Variants in ADCY2 observed in about 807,000 individuals in gnomAD.
The protein encoded by ADCY2 is adenylate cyclase type 2.
A neutral mutation model predicts 125.2 loss-of-function variants in ADCY2; 31 were observed. That is an observed-to-expected ratio of 0.25 (90% CI 0.19 to 0.33). The LOEUF (loss-of-function observed/expected upper bound fraction) is 0.33. ADCY2 is among the 10% of genes least tolerant of loss of function. The pLI, the probability that ADCY2 is intolerant of heterozygous loss-of-function variation, is 1.00. For synonymous variants in ADCY2, 512 were observed against 548.4 expected (o/e 0.93, Z 0.93); for missense variants, 904 against 1,418.2 (o/e 0.64, Z 5.82).
chr5:7,635,278 G>C (rs1344805718), intron 4 of ADCY2, among the ~76,000 whole-genome samples: 1 of 152,172 alleles, frequency 6.6e-6, no homozygotes, highest in African/African-American at 2.4e-5. Context: ...GAAGGGATGA[G>C]TGTTAGTAGG....
chr5:7,656,391 A>G (rs1320968906), intron 4 of ADCY2, among the ~76,000 whole-genome samples: 2 of 152,208 alleles, frequency 1.3e-5, no homozygotes, highest in South Asian at 2.1e-4. Context: ...GATGACTTGC[A>G]TTGATCCTAT....
intron 4 of ADCY2, among the ~76,000 whole-genome samples, chr5:7,658,399 TTGTGTGTGTGTGTGTGTG>T (rs369870574): frequency 7.6e-6 from 1 of 130,944 alleles, no homozygotes; most frequent in Admixed American, 7.6e-5. Context: ...GTGAAGAGAA[TTGTGTGTGTGTGTGTGTG>T]TGTGTGTGTG....
chr5:7,619,866 C>T (rs1425825007), intron 3 of ADCY2, among the ~76,000 whole-genome samples: 4 of 152,140 alleles, frequency 2.6e-5, no homozygotes, highest in African/African-American at 9.7e-5. Flanking sequence ...AATCTTCTCC[C>T]CATCGATTTC....
At chr5:7,712,510 C>A (rs1379355810) in intron 10 of ADCY2, among the ~76,000 whole-genome samples, 2 of 152,208 alleles carry the variant, frequency 1.3e-5, no homozygotes, top group East Asian at 3.8e-4. Flanking sequence ...TCCATTTTCA[C>A]ATGGTCATAG....
chr5:7,414,658 A>C lies in ADCY2; in HGVS notation c.296A>C (p.Glu99Ala), dbSNP rs200977486. The part of the protein sequence containing the change: ...FFAIFILVCI[E>A]SVFKKLLRLF... ...GCGATATTTATCCTGGTCTGCATCG[A>C]GTCTGTGTTTAAGAAGCTGCTGCGC... The change falls in exon 2 of 25, where the codon GAG becomes GCG. Residue 99 changes from glutamate to alanine, a missense_variant. Transcript: ENST00000338316. The C allele has an allele frequency of 6.2e-7, 1 of 1,613,500 alleles. No individual in the cohort carries two copies. The highest frequency in any genetic ancestry group is 1.3e-5 in the African/African-American group (1 of 74,936).
At chr5:7,549,742 C>G (rs1421730882) in intron 3 of ADCY2, among the ~76,000 whole-genome samples, 1 of 152,126 alleles carries the variant, frequency 6.6e-6, no homozygotes, top group Non-Finnish European at 1.5e-5. Flanking sequence ...TTCAAAAATT[C>G]TCATTGTGCA....
At chr5:7,638,938 A>G (rs1325205889) in intron 4 of ADCY2, among the ~76,000 whole-genome samples, 2 of 152,120 alleles carry the variant, frequency 1.3e-5, no homozygotes, top group African/African-American at 4.8e-5. Context: ...CATGATAGTG[A>G]ATAAGTCTTA....
intron 3 of ADCY2, among the ~76,000 whole-genome samples, chr5:7,597,511 A>C (rs1579614087): frequency 3.3e-5 from 5 of 152,252 alleles, no homozygotes; most frequent in Admixed American, 3.3e-4. Flanking sequence ...GCAGTGGCTC[A>C]CGCCTGTAAT....
intron 1 of ADCY2, among the ~76,000 whole-genome samples, chr5:7,399,828 G>A (rs1304969981): frequency 1.3e-5 from 2 of 152,118 alleles, no homozygotes; most frequent in Non-Finnish European, 2.9e-5. Context: ...CTGGGCATGG[G>A]GAACAAAATA....
intron 1 of ADCY2, among the ~76,000 whole-genome samples, chr5:7,403,900 A>C (rs564196195): frequency 6.6e-6 from 1 of 150,746 alleles, no homozygotes; most frequent in African/African-American, 2.4e-5. Context: ...CCCATTGACT[A>C]AGTTTTTGTT....
intron 1 of ADCY2, among the ~76,000 whole-genome samples, chr5:7,406,022 C>T (rs1414179054): frequency 1.3e-5 from 2 of 151,456 alleles, no homozygotes; most frequent in South Asian, 2.1e-4. Context: ...CCGTGCCCTA[C>T]TAATTTTTTT....
At chr5:7,613,319 G>A (rs574040535) in intron 3 of ADCY2, among the ~76,000 whole-genome samples, 19 of 152,094 alleles carry the variant, frequency 1.2e-4, no homozygotes, top group African/African-American at 2.2e-4. Context: ...TCCTATCACC[G>A]GAGCTTCTAG....
At chr5:7,513,802 TTAC>T (rs1744163956) in intron 2 of ADCY2, among the ~76,000 whole-genome samples, 1 of 152,220 alleles carries the variant, frequency 6.6e-6, no homozygotes, top group Non-Finnish European at 1.5e-5. Flanking sequence ...GAAAATTAAG[TTAC>T]TACTGTAAAT....
At chr5:7,554,009 A>G (rs577942495) in intron 3 of ADCY2, among the ~76,000 whole-genome samples, 1 of 152,342 alleles carries the variant, frequency 6.6e-6, no homozygotes, top group African/African-American at 2.4e-5. Context: ...TTTAAGAAAC[A>G]TGGAAGGCTT....
intron 2 of ADCY2, among the ~76,000 whole-genome samples, chr5:7,415,255 T>C (rs1207146582): frequency 6.6e-6 from 1 of 152,170 alleles, no homozygotes; most frequent in Non-Finnish European, 1.5e-5. Flanking sequence ...GGAAGTGAAA[T>C]AAGCCAGGCA....
At chr5:7,497,270 C>T (rs1403104546) in intron 2 of ADCY2, among the ~76,000 whole-genome samples, 4 of 152,090 alleles carry the variant, frequency 2.6e-5, no homozygotes, top group Non-Finnish European at 5.9e-5. Context: ...TTATATAAAG[C>T]AGATCTGTAG....
At chr5:7,733,697 T>G (rs918421189) in intron 14 of ADCY2, among the ~76,000 whole-genome samples, 8 of 152,144 alleles carry the variant, frequency 5.3e-5, no homozygotes, top group Non-Finnish European at 1.0e-4. Flanking sequence ...TATGTAGTAT[T>G]TAAATCCAAG....
At chr5:7,797,438 C>G (rs1744457341) in intron 20 of ADCY2, 1 of 152,254 alleles carries the variant, frequency 6.6e-6, no homozygotes, top group Admixed American at 6.5e-5. Context: ...GCCTCCACAC[C>G]TGGGCCCACG....
At chr5:7,582,075 C>A (rs1736455283) in intron 3 of ADCY2, among the ~76,000 whole-genome samples, 4 of 152,046 alleles carry the variant, frequency 2.6e-5, no homozygotes. Context: ...AGATAAAAGG[C>A]AGCAAAAGAT....
Sources: gnomAD v4.1 joint callset for allele counts (sites outside exome capture counted in the v4.1 genomes callset) on GRCh38, gnomAD v4.1.1 for gene constraint, MANE v1.5 for transcripts, NCBI Gene and HGNC (gene_info 2026-07-23, HGNC 2026-07-21) for gene names.